The following ADCY3 variants were observed in gnomAD, a reference collection of about 807,000 sequenced individuals.
ADCY3 encodes adenylate cyclase 3, also known as adenylate cyclase type 3.
ADCY3 carries 70 observed loss-of-function variants against 119.4 expected under a neutral mutation model. The observed-to-expected ratio is 0.59, with a 90% confidence interval of 0.48 to 0.72. The LOEUF (loss-of-function observed/expected upper bound fraction) is 0.72, where lower values mean the gene tolerates loss of function less well. Ranked by LOEUF, ADCY3 falls within the 30% of genes least tolerant of loss-of-function variation. ADCY3 has a pLI of 0.00. For missense variants in ADCY3, 1,238 were observed against 1,541.6 expected (o/e 0.80, Z 3.30); for synonymous variants, 672 against 621.4 (o/e 1.08, Z -1.21).
At chr2:24,825,365 C>G (rs1668474689) in intron 16 of ADCY3, among the ~76,000 whole-genome samples, 1 of 129,786 alleles carries the variant, frequency 7.7e-6, no homozygotes, top group Non-Finnish European at 1.6e-5. Flanking sequence ...GGGGGTGTCT[C>G]ACTTTGTCAC....
chr2:24,824,042 C>A (rs1003798566), intron 17 of ADCY3, among the ~76,000 whole-genome samples: 1 of 152,238 alleles, frequency 6.6e-6, no homozygotes. Context: ...CCTCTAACAG[C>A]CCCAGCTGTG....
At chr2:24,880,828 C>T (rs1029252309) in intron 2 of ADCY3, among the ~76,000 whole-genome samples, 2 of 152,114 alleles carry the variant, frequency 1.3e-5, no homozygotes, top group African/African-American at 4.8e-5. Flanking sequence ...CCAGCCTGGC[C>T]AATGTGGCGA....
chr2:24,886,171 C>A (rs1348885987), intron 2 of ADCY3, among the ~76,000 whole-genome samples: 1 of 152,216 alleles, frequency 6.6e-6, no homozygotes, highest in East Asian at 1.9e-4. Flanking sequence ...CCACTGTGTT[C>A]CCAGCACTCA....
intron 19 of ADCY3, 101 bp downstream of exon 19, chr2:24,822,410 A>G (rs2148359038): frequency 6.6e-7 from 1 of 1,515,514 alleles, no homozygotes; most frequent in Non-Finnish European, 9.0e-7. Context: ...GTCTGGGACC[A>G]CTTTGCACAG....
chr2:24,895,539 T>C (rs757350179), intron 2 of ADCY3, among the ~76,000 whole-genome samples: 6 of 152,232 alleles, frequency 3.9e-5, no homozygotes, highest in Non-Finnish European at 8.8e-5. Flanking sequence ...AGACTTCAAT[T>C]AAACATATTA....
At position 24,827,596 on chromosome 2, in the gene ADCY3, C is replaced by A. The variant is rs1668804343; in HGVS notation, c.2445G>T (p.Val815=). The stretch of plus-strand genomic sequence containing the variant: ...TGAATCCTTGCATCTGCTCTAAGGC[C>A]ACCATAGGTAAGCTGTTGGACAGAT... The part of the protein sequence containing the change: ...KRFREHDLPM[V]ALEQMQGFNP... Residue 815 remains valine (V), a synonymous_variant, in exon 15 of 22, where the codon GTG becomes GTT. Transcript: ENST00000679454. The A allele has an allele frequency of 1.9e-6, 3 of 1,587,602 alleles. No homozygotes were observed. The highest frequency in any genetic ancestry group is 2.6e-6 in the Non-Finnish European group (3 of 1,163,904).
chr2:24,897,824 G>A (rs1164238864), intron 2 of ADCY3, among the ~76,000 whole-genome samples: 3 of 152,062 alleles, frequency 2.0e-5, no homozygotes, highest in Admixed American at 6.6e-5. Context: ...TCCTATACCC[G>A]CTTCGGTGGC....
At chr2:24,837,535 C>G (rs1670462269) in intron 8 of ADCY3, among the ~76,000 whole-genome samples, 1 of 152,152 alleles carries the variant, frequency 6.6e-6, no homozygotes, top group Non-Finnish European at 1.5e-5. Flanking sequence ...TTTGCTTTAG[C>G]CATAATTAGG....
At chr2:24,896,175 G>A (rs1262411434) in intron 2 of ADCY3, among the ~76,000 whole-genome samples, 1 of 152,074 alleles carries the variant, frequency 6.6e-6, no homozygotes, top group Non-Finnish European at 1.5e-5. Flanking sequence ...CATGAAGTCG[G>A]GAGTTTGAGA....
intron 2 of ADCY3, among the ~76,000 whole-genome samples, chr2:24,894,270 G>GC (rs1314102873): frequency 6.6e-6 from 1 of 152,136 alleles, no homozygotes; most frequent in Non-Finnish European, 1.5e-5. Context: ...ACTGCTTGAG[G>GC]CCAGGAGTTC....
rs564379468 is a variant in ADCY3 at position 24,845,158 on chromosome 2, C to T, written c.826-2774G>A. ...TATGTCTTTATCAGCAGCGTGAAAA[C>T]GGACTAATACAGTAAATTGGTACCA... On this transcript the variant is annotated intron_variant, in intron 3 of 21. Coordinates refer to ENST00000679454, the MANE Select transcript of ADCY3 (RefSeq NM_004036.5). Among the ~76,000 whole-genome samples, 9 of 152,246 alleles carry T rather than the reference C, an allele frequency of 5.9e-5. No homozygotes were observed. The East Asian group carries it at 9.6e-4, about 16-fold the overall frequency.
At chr2:24,897,041 C>A (rs1444363544) in intron 2 of ADCY3, among the ~76,000 whole-genome samples, 1 of 152,100 alleles carries the variant, frequency 6.6e-6, no homozygotes, top group Non-Finnish European at 1.5e-5. Context: ...TCCAGGCTGT[C>A]CTGCTCACTC....
At chr2:24,903,486 C>G (rs547837128) in intron 2 of ADCY3, among the ~76,000 whole-genome samples, 2 of 152,124 alleles carry the variant, frequency 1.3e-5, no homozygotes, top group Admixed American at 6.6e-5. Context: ...GGAGCCTGGG[C>G]GCCTTCTTCA....
In ADCY3 at chr2:24,872,756, T is replaced by G. The variant is rs1274757857; in HGVS notation, c.676-37A>C. On this transcript the variant is annotated intron_variant, in intron 2 of 21. Transcript: ENST00000679454. The surrounding 1 kb of genome is among the most constrained non-coding windows in gnomAD (Gnocchi z 4.4). ...GGAAGAAGAGAGAAAAGGCCAGGGG[T>G]GAAGGCACGTCTTCAGAAAAGGGGA... The G allele has an allele frequency of 6.3e-7, 1 of 1,597,038 alleles. No homozygotes were observed. The highest frequency in any genetic ancestry group is 1.1e-5 in the South Asian group (1 of 89,878).
At chr2:24,906,901 C>G (rs973325352) in intron 2 of ADCY3, among the ~76,000 whole-genome samples, 1 of 152,154 alleles carries the variant, frequency 6.6e-6, no homozygotes, top group Non-Finnish European at 1.5e-5. Flanking sequence ...GAGGCAGAGG[C>G]AGGTGGATCA....
chr2:24,871,134 A>T (rs1572945660), intron 3 of ADCY3, among the ~76,000 whole-genome samples: 1 of 148,762 alleles, frequency 6.7e-6, no homozygotes, highest in African/African-American at 2.5e-5. Flanking sequence ...TGACACATGC[A>T]TTTTTTTTTT....
In ADCY3 at chr2:24,827,102, G is replaced by A. The variant is rs144750450; in HGVS notation, c.2495+444C>T. Among the ~76,000 whole-genome samples, 49 of 152,244 alleles carry A rather than the reference G, an allele frequency of 3.2e-4. 1 individual carries two copies. In the East Asian group the frequency reaches 8.3e-3, roughly 26 times the overall value. On this transcript the variant is annotated intron_variant, in intron 15 of 21. Transcript: ENST00000679454. Reference sequence around the variant, plus strand: ...TTTTTATTTCTAAACTTCCTTGAAGGTCTGTTCAAGTCATGGAATCATAAA... The same window carrying A: ...TTTTTATTTCTAAACTTCCTTGAAGATCTGTTCAAGTCATGGAATCATAAA...
chr2:24,903,667 A>ATTAGGG (rs1679161196), intron 2 of ADCY3, among the ~76,000 whole-genome samples: 1 of 152,104 alleles, frequency 6.6e-6, no homozygotes, highest in Non-Finnish European at 1.5e-5. Context: ...CCATTAGGCC[A>ATTAGGG]TCGTGAAGGG....
At chr2:24,886,759 T>A (rs528538172) in intron 2 of ADCY3, among the ~76,000 whole-genome samples, 1 of 152,208 alleles carries the variant, frequency 6.6e-6, no homozygotes, top group Admixed American at 6.5e-5. Context: ...CTCACTGCTC[T>A]CACTCACTCG....
Sources: allele counts gnomAD v4.1 joint callset (sites outside exome capture counted in the v4.1 genomes callset), GRCh38; gene constraint gnomAD v4.1.1; non-coding constraint Gnocchi (gnomAD v3.1); transcripts MANE v1.5; gene names NCBI Gene and HGNC (gene_info 2026-07-23, HGNC 2026-07-21).